CDH18: variants seen among roughly 807,000 people sequenced by gnomAD.
CDH18 encodes the protein cadherin 18, also known as cadherin-18.
Under a neutral mutation model 67.9 loss-of-function variants are expected in CDH18, and 31 were observed. The observed-to-expected ratio is 0.46, with a 90% CI of 0.34 to 0.62. The LOEUF (loss-of-function observed/expected upper bound fraction) is 0.62, where lower values mean the gene tolerates loss of function less well. Ranked by LOEUF, CDH18 falls within the 20% of genes least tolerant of loss-of-function variation. The pLI is 0.01. For synonymous variants in CDH18, 362 were observed against 347.2 expected (o/e 1.04, Z -0.48); for missense variants, 890 against 975.5 (o/e 0.91, Z 1.17).
At chr5:20,487,130 TG>T (rs1753247319) in intron 1 of CDH18, among the ~76,000 whole-genome samples, 2 of 152,178 alleles carry the variant, frequency 1.3e-5, no homozygotes, top group Admixed American at 6.5e-5. Flanking sequence ...TTCAACACTG[TG>T]GTTGCAGGTT....
intron 1 of CDH18, among the ~76,000 whole-genome samples, chr5:20,341,317 A>G (rs1740240668): frequency 6.6e-6 from 1 of 152,026 alleles, no homozygotes; most frequent in African/African-American, 2.4e-5. Context: ...ACGTAAAGAG[A>G]TGAGACAGGC....
At chr5:20,541,836 T>A (rs1303067297) in intron 1 of CDH18, among the ~76,000 whole-genome samples, 1 of 152,192 alleles carries the variant, frequency 6.6e-6, no homozygotes, top group African/African-American at 2.4e-5. Context: ...GAGGTAATTG[T>A]GTGGAGTGAT....
At chr5:20,381,993 TA>T (rs1743946443) in intron 1 of CDH18, among the ~76,000 whole-genome samples, 1 of 152,152 alleles carries the variant, frequency 6.6e-6, no homozygotes, top group Non-Finnish European at 1.5e-5. Context: ...GTTATTACAT[TA>T]ATTTTTTGCC....
At chr5:19,701,744 G>A (rs924119764) in intron 5 of CDH18, among the ~76,000 whole-genome samples, 1 of 152,038 alleles carries the variant, frequency 6.6e-6, no homozygotes, top group Non-Finnish European at 1.5e-5. Context: ...CCTTTCTGAG[G>A]AGAGCAAAGA....
intron 2 of CDH18, among the ~76,000 whole-genome samples, chr5:20,187,313 A>G (rs185846096): frequency 1.3e-5 from 2 of 151,896 alleles, no homozygotes; most frequent in East Asian, 3.9e-4. Flanking sequence ...ATAAGAATAA[A>G]CTATAATATT....
intron 2 of CDH18, among the ~76,000 whole-genome samples, chr5:20,096,413 A>C (rs1745996232): frequency 6.6e-6 from 1 of 152,130 alleles, no homozygotes; most frequent in Admixed American, 6.5e-5. Flanking sequence ...TACTTTGACC[A>C]AGGAAAAATT....
intron 1 of CDH18, among the ~76,000 whole-genome samples, chr5:20,294,152 C>T (rs1321920068): frequency 6.6e-6 from 1 of 152,078 alleles, no homozygotes; most frequent in African/African-American, 2.4e-5. Flanking sequence ...GTTTTTAGTA[C>T]GGTTAAGGGA....
intron 2 of CDH18, among the ~76,000 whole-genome samples, chr5:20,009,049 G>C (rs1027495885): frequency 1.3e-5 from 2 of 152,082 alleles, no homozygotes; most frequent in South Asian, 2.1e-4. Context: ...TCTGTATTGT[G>C]AGCTTGGTTA....
At chr5:20,460,118 G>A (rs977451182) in intron 1 of CDH18, among the ~76,000 whole-genome samples, 2 of 152,000 alleles carry the variant, frequency 1.3e-5, no homozygotes, top group Non-Finnish European at 2.9e-5. Context: ...TGGCAGGCCG[G>A]GCGCAGTGGC....
At chr5:19,531,864 C>A (rs903792708) in intron 9 of CDH18, among the ~76,000 whole-genome samples, 1 of 152,104 alleles carries the variant, frequency 6.6e-6, no homozygotes, top group African/African-American at 2.4e-5. Context: ...CAAAAGCTTC[C>A]TGAAAAGAAT....
intron 2 of CDH18, among the ~76,000 whole-genome samples, chr5:20,168,565 G>A (rs1010699336): frequency 2.0e-5 from 3 of 152,090 alleles, no homozygotes; most frequent in Non-Finnish European, 4.4e-5. Flanking sequence ...ACCTCCAGAA[G>A]ATAATATCCC....
chr5:19,589,050 C>G (rs988673985), intron 7 of CDH18, among the ~76,000 whole-genome samples: 2 of 151,938 alleles, frequency 1.3e-5, no homozygotes, highest in African/African-American at 4.8e-5. Flanking sequence ...TAGAAGATAT[C>G]TATTTAGTAG....
chr5:19,791,505 T>C (rs1170195268), intron 3 of CDH18, among the ~76,000 whole-genome samples: 1 of 152,164 alleles, frequency 6.6e-6, no homozygotes, highest in African/African-American at 2.4e-5. Flanking sequence ...TATGTAAGGA[T>C]ATGTTAACTT....
At chr5:20,450,792 T>C (rs1750387686) in intron 1 of CDH18, among the ~76,000 whole-genome samples, 1 of 152,198 alleles carries the variant, frequency 6.6e-6, no homozygotes, top group South Asian at 2.1e-4. Context: ...AATAAAGATA[T>C]TTCTGAGACT....
At chr5:19,903,541 G>GTATGTATATATATATATATATA (rs1554060515) in intron 2 of CDH18, among the ~76,000 whole-genome samples, 1 of 124,732 alleles carries the variant, frequency 8.0e-6, no homozygotes, top group Non-Finnish European at 1.7e-5. Flanking sequence ...GTGTGTGTGT[G>GTATGTATATATATATATATATA]TATATATATA....
intron 2 of CDH18, among the ~76,000 whole-genome samples, chr5:20,100,881 T>C (rs1349617465): frequency 6.6e-6 from 1 of 152,188 alleles, no homozygotes; most frequent in African/African-American, 2.4e-5. Context: ...TTTAAGTTTT[T>C]AATTATATCT....
intron 3 of CDH18, among the ~76,000 whole-genome samples, chr5:19,801,403 A>G (rs537808617): frequency 2.8e-4 from 43 of 152,286 alleles, no homozygotes; most frequent in Admixed American, 1.8e-3. Context: ...TATATATCAT[A>G]CTGTTTAATA....
At chr5:20,167,788 C>T (rs1736407458) in intron 2 of CDH18, among the ~76,000 whole-genome samples, 1 of 152,108 alleles carries the variant, frequency 6.6e-6, no homozygotes. Flanking sequence ...GTAATACGGC[C>T]CAAAGGACAC....
chr5:19,797,993 T>C (rs1236983060), intron 3 of CDH18, among the ~76,000 whole-genome samples: 1 of 152,026 alleles, frequency 6.6e-6, no homozygotes, highest in Non-Finnish European at 1.5e-5. Context: ...TGGGACAGGA[T>C]AGATGACCCA....
Sources: gnomAD v4.1 joint callset for allele counts (sites outside exome capture counted in the v4.1 genomes callset) on GRCh38, gnomAD v4.1.1 for gene constraint, MANE v1.5 for transcripts, NCBI Gene and HGNC (gene_info 2026-07-23, HGNC 2026-07-21) for gene names.